ZNF514: variants seen among roughly 807,000 people sequenced by gnomAD.
ZNF514 encodes zinc finger protein 514.
A neutral mutation model predicts 9.7 loss-of-function variants in ZNF514; 12 were observed. The ratio of observed to expected loss-of-function variants is 1.24; its 90% CI spans 0.79 to 2.01. The LOEUF is 2.01. Ranked by LOEUF, ZNF514 falls within the 30% of genes most tolerant of loss-of-function variation. The probability of loss-of-function intolerance (pLI) is 0.00; values close to 1 mark genes in which losing one functional copy is unlikely to be tolerated. For missense variants in ZNF514, 467 were observed against 465.5 expected (o/e 1.00, Z -0.03); for synonymous variants, 158 against 163.7 (o/e 0.97, Z 0.27).
At chr2:95,125,264 C>T in the ZNF514 span, among the ~76,000 whole-genome samples, 15 of 125,912 alleles carry the variant, frequency 1.2e-4, no homozygotes, top group African/African-American at 2.4e-4. Context: ...AGTCTCGCGT[C>T]GCGTCTCGCT....
the ZNF514 span, among the ~76,000 whole-genome samples, chr2:95,134,678 A>G: frequency 6.6e-6 from 1 of 152,200 alleles, no homozygotes; most frequent in African/African-American, 2.4e-5. Context: ...TAATTTAACT[A>G]AGAACCCACT....
chr2:95,127,215 C>T, the ZNF514 span, among the ~76,000 whole-genome samples: 2 of 152,190 alleles, frequency 1.3e-5, no homozygotes, highest in Non-Finnish European at 2.9e-5. Context: ...GGGGACCCAG[C>T]CTGCCCTTCA....
At chr2:95,123,811 G>A in the ZNF514 span, among the ~76,000 whole-genome samples, 3 of 152,278 alleles carry the variant, frequency 2.0e-5, no homozygotes, top group East Asian at 5.8e-4. Context: ...CTGGTCAATG[G>A]TCAAGCCTCC....
At position 95,148,115 on chromosome 2, in the gene ZNF514, A is replaced by C. The variant is rs944761495; in HGVS notation, c.*1167T>G. On this transcript the variant is annotated 3_prime_UTR_variant, in exon 5 of 5. Coordinates refer to ENST00000295208, the MANE Select transcript of ZNF514 (RefSeq NM_032788.3). ...GAAGTGCATAGAGGTGTTGTACTGC[A>C]AAGATCCAGTCTATTAATCTCCATA... The C allele has an allele frequency of 1.3e-5, 2 of 152,292 alleles. No homozygotes were observed. Among genetic ancestry groups the C allele is most frequent in the Non-Finnish European group, 2.9e-5 (2 of 68,074 alleles). 9.4% of individuals were successfully genotyped at this position (152,292 alleles called of 1,614,324 possible). A position where few individuals can be genotyped will look rare whatever the true frequency, so the allele number is the denominator to read the frequency against.
At chr2:95,138,102 C>A in the ZNF514 span, among the ~76,000 whole-genome samples, 1 of 152,340 alleles carries the variant, frequency 6.6e-6, no homozygotes, top group South Asian at 2.1e-4. Flanking sequence ...GTAAAGCCTG[C>A]AGAACTATGA....
In ZNF514 at chr2:95,147,124, A is replaced by G. The variant is rs929008278; in HGVS notation, c.*2158T>C. Among the ~76,000 whole-genome samples the G allele has an allele frequency of 6.6e-6, 1 of 152,226 alleles. No homozygotes were observed. The stretch of plus-strand genomic sequence containing the variant: ...AGGCAAGTATCCTTTGGTCTACGCC[A>G]GCTCCTGGTCTAGGCTTCTCCACCT... On this transcript the variant is annotated 3_prime_UTR_variant, in exon 5 of 5. Transcript: ENST00000295208.
chr2:95,126,392 A>AAAAAGAAAG, the ZNF514 span, among the ~76,000 whole-genome samples: 123 of 84,474 alleles, frequency 1.5e-3, 1 homozygote, highest in African/African-American at 4.3e-3. Flanking sequence ...AAAAAAAAAA[A>AAAAAGAAAG]AAAGAAAGAA....
chr2:95,132,301 C>T, the ZNF514 span, among the ~76,000 whole-genome samples: 27 of 151,698 alleles, frequency 1.8e-4, no homozygotes, highest in African/African-American at 6.0e-4. Flanking sequence ...ACAAGCAATT[C>T]GATTAGAAAA....
At chr2:95,152,544 A>G (rs2104469831) in intron 4 of ZNF514, 130 bp downstream of exon 4, 1 of 696,322 alleles carries the variant, frequency 1.4e-6, no homozygotes, top group Non-Finnish European at 2.5e-6. Flanking sequence ...AAAATTCAAC[A>G]TACCAGAGTT....
downstream of ZNF514, among the ~76,000 whole-genome samples, chr2:95,140,868 G>T (rs1243355797): frequency 6.6e-6 from 1 of 151,802 alleles, no homozygotes; most frequent in Non-Finnish European, 1.5e-5. Context: ...CCAGCTACTC[G>T]GGGGGCTGAG....
At chr2:95,137,508 AC>A in the ZNF514 span, among the ~76,000 whole-genome samples, 2 of 152,298 alleles carry the variant, frequency 1.3e-5, no homozygotes, top group East Asian at 3.9e-4. Flanking sequence ...TAGGCTGCAC[AC>A]CATCTGTCAA....
At chr2:95,159,205 G>C (rs147090558) in intron 1 of ZNF514, 35 bp downstream of exon 1, 1 of 241,052 alleles carries the variant, frequency 4.1e-6, no homozygotes, top group Admixed American at 5.4e-5. Flanking sequence ...GCTGCCCGGG[G>C]TCGTGCTCTT....
intron 1 of ZNF514, chr2:95,159,014 T>G: frequency 7.8e-7 from 1 of 1,277,018 alleles, no homozygotes; most frequent in South Asian, 1.2e-5. Context: ...GTCCTTTCAC[T>G]AGGTCCAAAT....
chr2:95,131,815 T>C, the ZNF514 span, among the ~76,000 whole-genome samples: 2 of 152,056 alleles, frequency 1.3e-5, no homozygotes, highest in African/African-American at 2.4e-5. Context: ...CCAAATTTTT[T>C]ATAAAACATT....
At chr2:95,126,320 G>A in the ZNF514 span, among the ~76,000 whole-genome samples, 2 of 126,438 alleles carry the variant, frequency 1.6e-5, no homozygotes, top group African/African-American at 3.0e-5. Flanking sequence ...TCAGTGAGCC[G>A]AGATTGAGCC....
At chr2:95,123,146 TAAGTA>T in the ZNF514 span, among the ~76,000 whole-genome samples, 32 of 152,318 alleles carry the variant, frequency 2.1e-4, no homozygotes, top group Middle Eastern at 0.01. Context: ...TCCATTTGGC[TAAGTA>T]AAGAGGCTGA....
chr2:95,149,802 C>T lies in ZNF514; in HGVS notation c.683G>A (p.Gly228Glu). ...GTCACTGCATTCATACGGCTTTTCT[C>T]CAGTGTGACATCGCTGATGGCGCCT... ...ELRRHQRCHT[G>E]EKPYECSDCG... Residue 228 changes from glycine (G) to glutamate (E), a missense_variant, in exon 5 of 5, where the codon GGA becomes GAA. Coordinates refer to ENST00000295208, the MANE Select transcript of ZNF514 (RefSeq NM_032788.3). 6.2e-7 allele frequency: 1 copy of T among 1,614,218 alleles called. No individual in the cohort carries two copies. The highest frequency in any genetic ancestry group is 1.7e-5 in the Admixed American group (1 of 60,024).
chr2:95,157,108 T>C (rs1673708200), intron 2 of ZNF514, among the ~76,000 whole-genome samples: 1 of 152,128 alleles, frequency 6.6e-6, no homozygotes, highest in Non-Finnish European at 1.5e-5. Context: ...TACCTGGTGG[T>C]CACCACAGTG....
intron 4 of ZNF514, 64 bp downstream of exon 4, chr2:95,152,610 C>G: frequency 7.2e-7 from 1 of 1,381,612 alleles, no homozygotes; most frequent in Non-Finnish European, 1.0e-6. Context: ...TGACCAAAGG[C>G]TCTGGGCTAC....
Sources: gnomAD v4.1 joint callset for allele counts (sites outside exome capture counted in the v4.1 genomes callset) on GRCh38, gnomAD v4.1.1 for gene constraint, MANE v1.5 for transcripts, NCBI Gene and HGNC (gene_info 2026-07-23, HGNC 2026-07-21) for gene names.